Variants in CUL5 observed in about 807,000 individuals in gnomAD.
CUL5 encodes the protein cullin 5, also known as cullin-5.
In CUL5, 26 loss-of-function variants were observed where a neutral mutation model predicts 108.8. That is an observed-to-expected ratio of 0.24 (90% confidence interval 0.18 to 0.33). The LOEUF is 0.33. CUL5 is among the 10% of genes least tolerant of loss of function. The probability of loss-of-function intolerance (pLI) is 1.00; values close to 1 mark genes in which losing one functional copy is unlikely to be tolerated. For synonymous variants in CUL5, 334 were observed against 298.0 expected, an observed-to-expected ratio of 1.12 and a Z score of -1.25; for missense variants, 524 against 909.2, an observed-to-expected ratio of 0.58 and a Z score of 5.45.
intron 18 of CUL5, among the ~76,000 whole-genome samples, chr11:108,100,884 C>A (rs576474186): frequency 6.6e-6 from 1 of 152,170 alleles, no homozygotes; most frequent in African/African-American, 2.4e-5. Context: ...AAAAAACTAG[C>A]CAGGTGTAGT....
At chr11:108,028,718 C>T (rs543432622) in intron 1 of CUL5, among the ~76,000 whole-genome samples, 1 of 152,068 alleles carries the variant, frequency 6.6e-6, no homozygotes, top group South Asian at 2.1e-4. Flanking sequence ...CACCTGTAAT[C>T]CCAGCTAGGG....
intron 7 of CUL5, among the ~76,000 whole-genome samples, chr11:108,062,196 C>G (rs2135158288): frequency 6.6e-6 from 1 of 151,066 alleles, no homozygotes; most frequent in South Asian, 2.1e-4. Flanking sequence ...ATAAATAGTG[C>G]TTTCTGGAAT....
At chr11:108,062,700 AC>A (rs1403819614) in intron 7 of CUL5, among the ~76,000 whole-genome samples, 2 of 152,036 alleles carry the variant, frequency 1.3e-5, no homozygotes, top group Non-Finnish European at 2.9e-5. Context: ...GGTATCAATC[AC>A]CTCAGGCATT....
intron 1 of CUL5, among the ~76,000 whole-genome samples, chr11:108,011,953 A>G (rs892151585): frequency 7.2e-5 from 11 of 151,864 alleles, no homozygotes; most frequent in Non-Finnish European, 1.5e-4. Flanking sequence ...TTGGAATTTG[A>G]CTCTAATAAT....
At chr11:108,047,188 A>T (rs1239951534) in intron 3 of CUL5, among the ~76,000 whole-genome samples, 2 of 152,204 alleles carry the variant, frequency 1.3e-5, no homozygotes, top group African/African-American at 4.8e-5. Context: ...ATGATGGTGC[A>T]CACCTGTGGT....
intron 1 of CUL5, among the ~76,000 whole-genome samples, chr11:108,032,624 C>G (rs1862621797): frequency 6.6e-6 from 1 of 152,046 alleles, no homozygotes; most frequent in Non-Finnish European, 1.5e-5. Context: ...TGTAATTGAT[C>G]ATTATTTTTC....
intron 7 of CUL5, among the ~76,000 whole-genome samples, chr11:108,055,294 T>C (rs965303109): frequency 7.2e-5 from 11 of 152,324 alleles, no homozygotes; most frequent in African/African-American, 2.6e-4. Context: ...ATATGCTCCC[T>C]TAGGGATACA....
intron 2 of CUL5, among the ~76,000 whole-genome samples, chr11:108,034,604 G>A (rs1862682475): frequency 6.6e-6 from 1 of 152,168 alleles, no homozygotes; most frequent in South Asian, 2.1e-4. Flanking sequence ...ACTCATGGCA[G>A]CTTGGAAAGG....
intron 1 of CUL5, among the ~76,000 whole-genome samples, chr11:108,022,018 A>G (rs1862339174): frequency 6.7e-6 from 1 of 149,820 alleles, no homozygotes; most frequent in South Asian, 2.1e-4. Context: ...CCATCGATCC[A>G]TCCATTCTTA....
chr11:108,064,876 G>A (rs895924080), intron 7 of CUL5, among the ~76,000 whole-genome samples: 1 of 152,072 alleles, frequency 6.6e-6, no homozygotes, highest in Non-Finnish European at 1.5e-5. Context: ...GAGTTTGGAA[G>A]TATTCCCTCC....
At chr11:108,032,929 A>G (rs1862630571) in intron 1 of CUL5, among the ~76,000 whole-genome samples, 1 of 152,190 alleles carries the variant, frequency 6.6e-6, no homozygotes, top group South Asian at 2.1e-4. Flanking sequence ...GACAACTACA[A>G]AATTAGATGA....
intron 7 of CUL5, among the ~76,000 whole-genome samples, chr11:108,065,451 C>T (rs755316490): frequency 4.6e-5 from 7 of 152,310 alleles, no homozygotes; most frequent in Admixed American, 2.0e-4. Context: ...TAGTGCGAGG[C>T]TTGCTAGAAC....
At chr11:108,052,925 A>G (rs1007029312) in intron 5 of CUL5, 124 bp downstream of exon 5, 19 of 708,232 alleles carry the variant, frequency 2.7e-5, no homozygotes, top group South Asian at 6.7e-5. Context: ...TGTACTAGAT[A>G]CTTTTTTTGA....
At chr11:108,057,468 C>T (rs920379929) in intron 7 of CUL5, among the ~76,000 whole-genome samples, 2 of 152,196 alleles carry the variant, frequency 1.3e-5, no homozygotes, top group Non-Finnish European at 2.9e-5. Flanking sequence ...GTAGGACATG[C>T]TGACATACCC....
chr11:108,062,663 A>G (rs1863569098), intron 7 of CUL5, among the ~76,000 whole-genome samples: 1 of 151,912 alleles, frequency 6.6e-6, no homozygotes, highest in South Asian at 2.1e-4. Flanking sequence ...CAGGCATGCA[A>G]CGCATGATAA....
intron 1 of CUL5, among the ~76,000 whole-genome samples, chr11:108,026,382 C>T (rs1442893494): frequency 2.6e-5 from 4 of 152,174 alleles, no homozygotes; most frequent in African/African-American, 9.7e-5. Context: ...TTTCTGTCAA[C>T]ATTCTAACAT....
intron 1 of CUL5, among the ~76,000 whole-genome samples, chr11:108,012,756 C>T (rs995623296): frequency 7.2e-5 from 11 of 151,904 alleles, no homozygotes; most frequent in African/African-American, 2.7e-4. Context: ...GCCACCACAC[C>T]CAGCTTATTT....
intron 2 of CUL5, among the ~76,000 whole-genome samples, chr11:108,035,958 T>G (rs952263763): frequency 1.3e-5 from 2 of 152,272 alleles, no homozygotes; most frequent in Non-Finnish European, 1.5e-5. Context: ...GCCAAGATAC[T>G]GCAGGCTCGC....
chr11:108,065,048 C>CG (rs1224799508), intron 7 of CUL5, among the ~76,000 whole-genome samples: 1 of 151,514 alleles, frequency 6.6e-6, no homozygotes, highest in Non-Finnish European at 1.5e-5. Context: ...TTTTTTGAGA[C>CG]GGAGTCTTGC....
Sources: allele counts gnomAD v4.1 joint callset (sites outside exome capture counted in the v4.1 genomes callset), GRCh38; gene constraint gnomAD v4.1.1; transcripts MANE v1.5; gene names NCBI Gene and HGNC (gene_info 2026-07-23, HGNC 2026-07-21).